Variants in RTL4 observed in about 807,000 individuals in gnomAD.
RTL4 encodes the protein retrotransposon Gag like 4.
RTL4 carries 4 observed loss-of-function variants against 5.3 expected under a neutral mutation model. That is an observed-to-expected ratio of 0.75 (90% confidence interval 0.37 to 1.72). The LOEUF is 1.72. Ranked by LOEUF, RTL4 falls within the 40% of genes most tolerant of loss-of-function variation. The pLI is 0.04. For synonymous variants in RTL4, 98 were observed against 87.3 expected (o/e 1.12, Z -0.68); for missense variants, 260 against 227.1 (o/e 1.14, Z -0.93).
At chrX:112,427,375 T>C in the RTL4 span, among the ~76,000 whole-genome samples, 1 of 110,818 alleles carries the variant, frequency 9.0e-6, no homozygotes, top group Non-Finnish European at 1.9e-5. Context: ...GAAAAGCAGG[T>C]TGACAAAATC....
chrX:112,103,851 AG>A, the RTL4 span, among the ~76,000 whole-genome samples: 7 of 111,404 alleles, frequency 6.3e-5, no homozygotes, highest in East Asian at 2.0e-3. Flanking sequence ...GGCTAAATCT[AG>A]CTAATTAAAT....
the RTL4 span, among the ~76,000 whole-genome samples, chrX:112,291,409 CAT>C: frequency 0.011 from 1,148 of 103,195 alleles, 10 homozygotes; most frequent in Non-Finnish European, 0.018. Flanking sequence ...CACACACACA[CAT>C]GCACACATTG....
chrX:112,169,361 G>A, the RTL4 span, among the ~76,000 whole-genome samples: 8 of 110,048 alleles, frequency 7.3e-5, no homozygotes, highest in African/African-American at 1.3e-4. Context: ...TGATCCACCC[G>A]CCTCGGCCTC....
At chrX:112,277,261 C>A in the RTL4 span, among the ~76,000 whole-genome samples, 1 of 111,396 alleles carries the variant, frequency 9.0e-6, no homozygotes, top group Non-Finnish European at 1.9e-5. Flanking sequence ...AAAATGTTGG[C>A]AACCAGATTT....
chrX:112,304,714 C>T, the RTL4 span, among the ~76,000 whole-genome samples: 1 of 95,641 alleles, frequency 1.0e-5, no homozygotes, highest in Non-Finnish European at 2.0e-5. Flanking sequence ...CACTAATCCA[C>T]AGCACATGTT....
chrX:112,119,950 C>A, the RTL4 span, among the ~76,000 whole-genome samples: 2 of 112,085 alleles, frequency 1.8e-5, no homozygotes, highest in African/African-American at 3.2e-5. Context: ...TCTGGGGTGG[C>A]TTTACGTATT....
At chrX:112,455,212 G>T (rs7474140) in exon 1 of RTL4, 237,768 of 1,208,768 alleles carry the variant, frequency 0.2, 17,432 homozygotes, top group Non-Finnish European at 0.23. Flanking sequence ...CTCTCAGCAG[G>T]ACCCTGCTAC....
chrX:112,210,457 G>A, the RTL4 span, among the ~76,000 whole-genome samples: 1 of 112,265 alleles, frequency 8.9e-6, no homozygotes, highest in South Asian at 3.7e-4. Flanking sequence ...GCCATGGCAG[G>A]TTCTGTATGA....
the RTL4 span, among the ~76,000 whole-genome samples, chrX:112,260,588 A>T: frequency 8.9e-6 from 1 of 111,922 alleles, no homozygotes; most frequent in Admixed American, 9.4e-5. Flanking sequence ...GAATACACTA[A>T]TAGTCAAATT....
chrX:112,174,387 C>T, the RTL4 span, among the ~76,000 whole-genome samples: 17 of 100,544 alleles, frequency 1.7e-4, no homozygotes, highest in African/African-American at 6.1e-4. Context: ...CAATTTCATC[C>T]ATGTCCCTAC....
At chrX:112,207,301 T>A in the RTL4 span, among the ~76,000 whole-genome samples, 2 of 111,523 alleles carry the variant, frequency 1.8e-5, no homozygotes, top group Non-Finnish European at 3.8e-5. Context: ...TATCATCTCA[T>A]CCCTAGCATC....
chrX:112,176,200 A>G, the RTL4 span, among the ~76,000 whole-genome samples: 1 of 111,917 alleles, frequency 8.9e-6, no homozygotes, highest in Non-Finnish European at 1.9e-5. Context: ...GAGAACTACA[A>G]ACCACTGCTC....
At chrX:112,200,674 AC>A in the RTL4 span, among the ~76,000 whole-genome samples, 3 of 112,138 alleles carry the variant, frequency 2.7e-5, no homozygotes, top group Non-Finnish European at 5.6e-5. Flanking sequence ...TGATTTGAAC[AC>A]CAAAGTTAGT....
At chrX:112,245,662 A>G in the RTL4 span, among the ~76,000 whole-genome samples, 5 of 97,809 alleles carry the variant, frequency 5.1e-5, no homozygotes, top group Admixed American at 4.1e-4. Flanking sequence ...AGCTCAGAGT[A>G]GTTTGTTATT....
At chrX:112,273,871 A>G in the RTL4 span, among the ~76,000 whole-genome samples, 1 of 112,088 alleles carries the variant, frequency 8.9e-6, no homozygotes, top group Non-Finnish European at 1.9e-5. Flanking sequence ...ACATAAGTAA[A>G]TACATGTACA....
At chrX:112,263,385 T>C in the RTL4 span, among the ~76,000 whole-genome samples, 1 of 109,331 alleles carries the variant, frequency 9.1e-6, no homozygotes, top group African/African-American at 3.3e-5. Context: ...TGAGCAAAGA[T>C]AAAGGGCCAG....
chrX:112,217,691 A>G, the RTL4 span, among the ~76,000 whole-genome samples: 4 of 112,147 alleles, frequency 3.6e-5, no homozygotes, highest in Admixed American at 3.8e-4. Context: ...TTTTCTGCCA[A>G]TAGCATATGC....
At chrX:112,122,185 G>A in the RTL4 span, among the ~76,000 whole-genome samples, 1 of 111,459 alleles carries the variant, frequency 9.0e-6, no homozygotes, top group Non-Finnish European at 1.9e-5. Flanking sequence ...CAACCTAAGT[G>A]TCCATCAACA....
chrX:112,394,294 G>A, the RTL4 span, among the ~76,000 whole-genome samples: 3 of 111,434 alleles, frequency 2.7e-5, no homozygotes, highest in Non-Finnish European at 5.7e-5. Flanking sequence ...TCAGCTGAGG[G>A]TGCTGTATTT....
Sources: gnomAD v4.1 joint callset for allele counts (sites outside exome capture counted in the v4.1 genomes callset) on GRCh38, gnomAD v4.1.1 for gene constraint, MANE v1.5 for transcripts, NCBI Gene and HGNC (gene_info 2026-07-23, HGNC 2026-07-21) for gene names.